CAPN2: variants seen among roughly 807,000 people sequenced by gnomAD.
CAPN2 encodes the protein calpain-2 catalytic subunit.
In CAPN2, 92 loss-of-function variants were observed where a neutral mutation model predicts 102.3. That is an observed-to-expected ratio of 0.90 (90% CI 0.76 to 1.07). The LOEUF is 1.07. Among genes scored for constraint, CAPN2 ranks in the 50% least tolerant of loss-of-function variants. CAPN2 has a pLI of 0.00. For missense variants in CAPN2, 800 were observed against 909.4 expected (o/e 0.88, Z 1.55); for synonymous variants, 340 against 355.4 (o/e 0.96, Z 0.49).
chr1:223,704,050 T>G (rs1030229653), intron 1 of CAPN2, among the ~76,000 whole-genome samples: 2 of 151,298 alleles, frequency 1.3e-5, no homozygotes, highest in Non-Finnish European at 2.9e-5. Flanking sequence ...GAGCACTTTG[T>G]GAGGCCAGGG....
At chr1:223,751,118 G>A in intron 7 of CAPN2, 143 bp downstream of exon 7, 4 of 728,966 alleles carry the variant, frequency 5.5e-6, no homozygotes, top group Non-Finnish European at 9.3e-6. Context: ...AGGGACCCGT[G>A]GACAGGGGCC....
chr1:223,732,764 A>G (rs1660366013), intron 2 of CAPN2, among the ~76,000 whole-genome samples: 1 of 152,174 alleles, frequency 6.6e-6, no homozygotes, highest in Admixed American at 6.5e-5. Context: ...CATGTTCAGA[A>G]ATAATGGTGA....
intron 9 of CAPN2, among the ~76,000 whole-genome samples, chr1:223,753,224 T>G (rs1227791839): frequency 6.6e-6 from 1 of 152,112 alleles, no homozygotes; most frequent in East Asian, 1.9e-4. Flanking sequence ...CTCCAGGCCC[T>G]AGATTCCCCA....
At chr1:223,704,466 T>C (rs781014691) in intron 1 of CAPN2, among the ~76,000 whole-genome samples, 14 of 152,170 alleles carry the variant, frequency 9.2e-5, no homozygotes, top group Non-Finnish European at 1.9e-4. Context: ...TATTTGTAAG[T>C]CTCCTCCCAT....
intron 6 of CAPN2, among the ~76,000 whole-genome samples, 159 bp from the exon 7 acceptor site, chr1:223,750,731 T>G (rs1016863070): frequency 1.3e-5 from 2 of 152,210 alleles, no homozygotes; most frequent in African/African-American, 4.8e-5. Context: ...CCTCTAGCTC[T>G]TGTGATCCTC....
rs1000032679 is a variant in CAPN2 at position 223,772,387 on chromosome 1, C to A, written c.2079+148C>A. On this transcript the variant is annotated intron_variant, in intron 20 of 20. Transcript: ENST00000295006. ...CAGGCCTGTAACCGGTTGTAAGATC[C>A]CACAATGCACTTTTACTTGCAGTTG... The A allele has an allele frequency of 3.0e-5, 18 of 606,606 alleles. No individual in the cohort carries two copies. In the East Asian group the frequency reaches 4.9e-4, roughly 17 times the overall value. 37.6% of individuals were successfully genotyped at this position (606,606 alleles called of 1,614,324 possible). A position where few individuals can be genotyped will look rare whatever the true frequency, so the allele number is the denominator to read the frequency against.
intron 1 of CAPN2, among the ~76,000 whole-genome samples, chr1:223,704,820 C>T (rs1347141383): frequency 6.6e-6 from 1 of 152,150 alleles, no homozygotes; most frequent in Non-Finnish European, 1.5e-5. Context: ...GAGGGGAAAA[C>T]ACAGAAACAC....
Position 223,756,321 on chromosome 1 carries a change from C to T in CAPN2, c.1305+672C>T, listed in dbSNP as rs1273390340. On this transcript the variant is annotated intron_variant, in intron 10 of 20. Transcript: ENST00000295006. The surrounding 1 kb of genome is among the most constrained non-coding windows in gnomAD (Gnocchi z 4.1). Reference sequence around the variant, plus strand: ...CTTCTGCAAAACAAGAAAGAGCTTTCGTGGGCTGCAGGTAGCCATGCGAGG... The same window carrying T: ...CTTCTGCAAAACAAGAAAGAGCTTTTGTGGGCTGCAGGTAGCCATGCGAGG... 2.0e-5 allele frequency among the ~76,000 whole-genome samples: 3 copies of T among 152,186 alleles called. No homozygotes were observed. Among genetic ancestry groups the T allele is most frequent in the East Asian group, 1.9e-4 (1 of 5,200 alleles).
intron 16 of CAPN2, among the ~76,000 whole-genome samples, chr1:223,767,339 C>G (rs1282072380): frequency 4.4e-5 from 5 of 114,728 alleles, no homozygotes. Flanking sequence ...TCCCTCCCCC[C>G]TCCCCCCACC....
chr1:223,712,897 A>ACGCG lies in CAPN2; in HGVS notation c.237+21_237+24dup, dbSNP rs565154691. On this transcript the variant is annotated intron_variant, in intron 1 of 20. Transcript: ENST00000295006. ...CCCACGGTAGGAAGCGCGCGGCAGG[A>ACGCG]CGCGGGCAGGGCGGGGTGCCGGGCA... is the stretch of plus-strand genomic sequence containing the variant. 2 of 1,493,488 alleles carry ACGCG rather than the reference A, an allele frequency of 1.3e-6. No individual in the cohort carries two copies. The highest frequency in any genetic ancestry group is 2.9e-5 in the African/African-American group (2 of 69,312). The allele number at this position is 1,493,488 out of a possible 1,614,324, so 92.5% of individuals were successfully genotyped here. A position where few individuals can be genotyped will look rare whatever the true frequency, so the allele number is the denominator to read the frequency against.
chr1:223,766,690 C>T (rs1226641369), intron 16 of CAPN2, among the ~76,000 whole-genome samples: 2 of 152,236 alleles, frequency 1.3e-5, no homozygotes, highest in African/African-American at 2.4e-5. Flanking sequence ...CGGGCGGTGG[C>T]TCATGCCTGT....
rs1478544322 is a variant in CAPN2 at position 223,707,258 on chromosome 1, C to CT, written c.3+5428dup. ...ATTTTCTCTCTCTCTCTCTCTTCTT[C>CT]TCTCTCTCTCTCTTTCTATCTCTCT... On this transcript the variant is annotated intron_variant, in intron 1 of 20. Coordinates refer to the CAPN2 transcript ENST00000433674. 7.3e-5 allele frequency among the ~76,000 whole-genome samples: 11 copies of CT among 151,302 alleles called. No homozygotes were observed. The South Asian group carries it at 1.9e-3, about 26-fold the overall frequency.
upstream of CAPN2, among the ~76,000 whole-genome samples, chr1:223,711,068 C>T (rs1035050827): frequency 6.6e-5 from 10 of 152,160 alleles, no homozygotes; most frequent in Non-Finnish European, 1.2e-4. Context: ...CTATCTTGGA[C>T]ATTGGAAGAT....
In CAPN2 at chr1:223,759,707, G is replaced by A. The variant is rs1661139674; in HGVS notation, c.1529+226G>A. 6.6e-6 allele frequency among the ~76,000 whole-genome samples: 1 copy of A among 152,222 alleles called. No individual in the cohort carries two copies. On this transcript the variant is annotated intron_variant, in intron 12 of 20. Coordinates refer to ENST00000295006, the MANE Select transcript of CAPN2 (RefSeq NM_001748.5). The surrounding 1 kb of genome is among the most constrained non-coding windows in gnomAD (Gnocchi z 4.6). Reference sequence around the variant, plus strand: ...CACTGTGGATATTTTTGGTTGGAAAGGGGTGGCTGTACAGTGAATTGCAGG... The same window carrying A: ...CACTGTGGATATTTTTGGTTGGAAAAGGGTGGCTGTACAGTGAATTGCAGG...
At chr1:223,757,093 C>T (rs566866615) in intron 10 of CAPN2, among the ~76,000 whole-genome samples, 56 of 152,256 alleles carry the variant, frequency 3.7e-4, no homozygotes, top group African/African-American at 1.3e-3. Flanking sequence ...CGTGGGAGGC[C>T]GATATGGGCT....
Position 223,755,419 on chromosome 1 carries a change from A to AC in CAPN2, c.1136-55dup. ...AGCCTCCAAGCCTGAGACCAGGGCCACCCCCCACCCCCATGCATTCCTGCT... is the reference window on the plus strand; with the variant it reads ...AGCCTCCAAGCCTGAGACCAGGGCCACCCCCCCACCCCCATGCATTCCTGCT... On this transcript the variant is annotated intron_variant, in intron 9 of 20. Coordinates refer to ENST00000295006, the MANE Select transcript of CAPN2 (RefSeq NM_001748.5). The surrounding 1 kb of genome is among the most constrained non-coding windows in gnomAD (Gnocchi z 4.1). 1 of 1,574,316 alleles carries AC rather than the reference A, an allele frequency of 6.4e-7. No individual in the cohort carries two copies. Among genetic ancestry groups the AC allele is most frequent in the Admixed American group, 1.7e-5 (1 of 58,106 alleles).
At chr1:223,751,589 A>G (rs1205431531) in intron 7 of CAPN2, among the ~76,000 whole-genome samples, 1 of 149,290 alleles carries the variant, frequency 6.7e-6, no homozygotes, top group Non-Finnish European at 1.5e-5. Context: ...CTCCGTGGAC[A>G]GAGAGACACC....
At chr1:223,716,131 A>T (rs1002831579) in intron 1 of CAPN2, among the ~76,000 whole-genome samples, 1 of 152,162 alleles carries the variant, frequency 6.6e-6, no homozygotes, top group East Asian at 1.9e-4. Flanking sequence ...GACTGGTAAG[A>T]CCCATATTTA....
chr1:223,730,823 A>C (rs1417555096), intron 2 of CAPN2, among the ~76,000 whole-genome samples: 2 of 152,174 alleles, frequency 1.3e-5, no homozygotes, highest in Non-Finnish European at 2.9e-5. Context: ...TTAGACTTTG[A>C]TTTTTAGTTT....
Sources: allele counts gnomAD v4.1 joint callset (sites outside exome capture counted in the v4.1 genomes callset), GRCh38; gene constraint gnomAD v4.1.1; non-coding constraint Gnocchi (gnomAD v3.1); transcripts MANE v1.5; gene names NCBI Gene and HGNC (gene_info 2026-07-23, HGNC 2026-07-21).